The following KIF15 variants were observed in gnomAD, a reference collection of about 807,000 sequenced individuals.
KIF15 encodes kinesin family member 15.
A neutral mutation model predicts 190.6 loss-of-function variants in KIF15; 140 were observed. The observed-to-expected ratio is 0.73, with a 90% CI of 0.64 to 0.84. KIF15 has a LOEUF of 0.84. Among genes scored for constraint, KIF15 ranks in the 40% least tolerant of loss-of-function variants. The probability of loss-of-function intolerance (pLI) is 0.00; values close to 1 mark genes in which losing one functional copy is unlikely to be tolerated. For synonymous variants in KIF15, 528 were observed against 551.3 expected (o/e 0.96, Z 0.59); for missense variants, 1,372 against 1,584.4 (o/e 0.87, Z 2.28).
Position 44,827,509 on chromosome 3 carries a change from C to CG in KIF15, c.2839dup (p.Ala947GlyfsTer4). ...GTACGTCAGGAGAAACAGAAAGAGACGGCCAAGTGTGAGCAGCAGGTAAAA... is the reference window on the plus strand; with the variant it reads ...GTACGTCAGGAGAAACAGAAAGAGACGGGCCAAGTGTGAGCAGCAGGTAAAA... On this transcript the variant is annotated frameshift_variant, in exon 23 of 35. Coordinates refer to ENST00000326047, the MANE Select transcript of KIF15 (RefSeq NM_020242.3). LOFTEE classifies it high-confidence loss of function. 3 of 1,610,918 alleles carry CG rather than the reference C, an allele frequency of 1.9e-6. No individual in the cohort carries two copies. Among genetic ancestry groups the CG allele is most frequent in the Non-Finnish European group, 2.5e-6 (3 of 1,177,398 alleles).
At chr3:44,765,156 C>T (rs1705324778) in intron 1 of KIF15, among the ~76,000 whole-genome samples, 1 of 152,220 alleles carries the variant, frequency 6.6e-6, no homozygotes. Context: ...TTTTAAATTT[C>T]ACTTTCTCTC....
At chr3:44,821,748 G>A (rs1697339051) in intron 20 of KIF15, among the ~76,000 whole-genome samples, 1 of 152,190 alleles carries the variant, frequency 6.6e-6, no homozygotes, top group Non-Finnish European at 1.5e-5. Flanking sequence ...CTGCAGTCTC[G>A]GCACTTTGGG....
At chr3:44,852,017 T>A in intron 33 of KIF15, 65 bp downstream of exon 33, 1 of 1,531,520 alleles carries the variant, frequency 6.5e-7, no homozygotes, top group Admixed American at 1.9e-5. Context: ...CTAATTAGCG[T>A]AAAACTCACT....
intron 26 of KIF15, 117 bp downstream of exon 26, chr3:44,831,135 C>G (rs1190495145): frequency 8.4e-7 from 1 of 1,190,942 alleles, no homozygotes; most frequent in African/African-American, 1.5e-5. Flanking sequence ...AATTCTTATA[C>G]AGCTGATGTG....
chr3:44,786,497 A>C lies in KIF15; in HGVS notation c.562A>C (p.Arg188=). 6.2e-7 allele frequency: 1 copy of C among 1,613,876 alleles called. No individual in the cohort carries two copies. Among genetic ancestry groups the C allele is most frequent in the Non-Finnish European group, 8.5e-7 (1 of 1,179,826 alleles). ...LDSASAGLYL[R]EHIKKGVFVV... ...CTCTGCATCGGCTGGACTGTACTTA[A>C]GGGAGCATATCAAGAAGGGAGTCTT... Residue 188 remains arginine, a synonymous_variant, in exon 7 of 35, where the codon AGG becomes CGG. Transcript: ENST00000326047.
chr3:44,861,922 A>C, intron 6 of KIF15: 1 of 1,454,496 alleles, frequency 6.9e-7, no homozygotes. Flanking sequence ...GTCAGCAGGC[A>C]ACATGGCCGA....
chr3:44,797,289 A>T (rs1382119992), intron 8 of KIF15, among the ~76,000 whole-genome samples: 1 of 152,168 alleles, frequency 6.6e-6, no homozygotes, highest in Admixed American at 6.5e-5. Flanking sequence ...TCGGCCTCCC[A>T]AAGTGCTGGG....
intron 20 of KIF15, among the ~76,000 whole-genome samples, chr3:44,820,089 A>G (rs1708197591): frequency 1.3e-5 from 2 of 151,616 alleles, no homozygotes; most frequent in South Asian, 2.1e-4. Flanking sequence ...TTTGCTTTCC[A>G]TTTGCTTGGT....
chr3:44,861,560 G>C (rs1441164941), intron 6 of KIF15, among the ~76,000 whole-genome samples: 1 of 152,194 alleles, frequency 6.6e-6, no homozygotes, highest in Non-Finnish European at 1.5e-5. Context: ...TCGGTGGGCC[G>C]GCGCGGGGCC....
Position 44,774,379 on chromosome 3 carries a change from CTT to C in KIF15, c.20-6_20-5del, listed in dbSNP as rs112868991. 9 of 1,251,514 alleles carry C rather than the reference CTT, an allele frequency of 7.2e-6. No homozygotes were observed. The highest frequency in any genetic ancestry group is 2.0e-5 in the Admixed American group (1 of 48,852). The allele number at this position is 1,251,514 out of a possible 1,614,324, so 77.5% of individuals were successfully genotyped here. On this transcript the variant is annotated splice_polypyrimidine_tract_variant and intron_variant, in intron 1 of 34. Coordinates refer to ENST00000326047, the MANE Select transcript of KIF15 (RefSeq NM_020242.3). ...TTACAATTTAAATGACCTTTAATAA[CTT>C]TTTTTTTTTCTAGCTGAGTTACGCA...
intron 6 of KIF15, chr3:44,862,006 C>G (rs1040824057): frequency 1.4e-6 from 2 of 1,381,014 alleles, no homozygotes; most frequent in African/African-American, 1.5e-5. Context: ...CCCTCCGCAC[C>G]TCCAGGCGGG....
chr3:44,813,625 G>GT lies in KIF15; in HGVS notation c.2383+449dup, dbSNP rs1288995908. Among the ~76,000 whole-genome samples the GT allele has an allele frequency of 6.3e-3, 652 of 102,678 alleles. 4 individuals carry two copies. The highest frequency in any genetic ancestry group is 0.018 in the African/African-American group (555 of 30,658). The allele number at this position is 102,678 out of a possible 152,430, so 67.4% of individuals were successfully genotyped here. A position where few individuals can be genotyped will look rare whatever the true frequency, so the allele number is the denominator to read the frequency against. ...TGGTCATTTTTTTTTTGTTTTGTTT[G>GT]TTTTGTTTTTTTTTTTTTTGAGGTG... On this transcript the variant is annotated intron_variant, in intron 19 of 34. Coordinates refer to ENST00000326047, the MANE Select transcript of KIF15 (RefSeq NM_020242.3).
intron 29 of KIF15, among the ~76,000 whole-genome samples, chr3:44,841,757 A>C (rs1698619202): frequency 6.6e-6 from 1 of 152,198 alleles, no homozygotes; most frequent in Non-Finnish European, 1.5e-5. Flanking sequence ...AAATTCAAAA[A>C]GCACAGAACT....
chr3:44,781,629 A>G (rs938586193), intron 5 of KIF15, among the ~76,000 whole-genome samples: 2 of 152,190 alleles, frequency 1.3e-5, no homozygotes, highest in Non-Finnish European at 2.9e-5. Context: ...ATTCTGCCCA[A>G]CAGTTTCCCA....
intron 22 of KIF15, chr3:44,827,221 GTTATAT>G: frequency 2.2e-6 from 1 of 454,628 alleles, no homozygotes. Context: ...TATGATATAT[GTTATAT>G]TTAGGAGTAC....
rs1697731271 is a variant in KIF15, at chr3:44,827,487, C to G, written c.2815C>G (p.Arg939Gly). The G allele has an allele frequency of 2.5e-6, 4 of 1,611,828 alleles. No individual in the cohort carries two copies. The highest frequency in any genetic ancestry group is 1.7e-6 in the Non-Finnish European group (2 of 1,178,324). ...AATCTTAAAAGTTCTTGAGGCTGTACGTCAGGAGAAACAGAAAGAGACGGC... is the reference window on the plus strand; with the variant it reads ...AATCTTAAAAGTTCTTGAGGCTGTAGGTCAGGAGAAACAGAAAGAGACGGC... Reference protein sequence around the residue: ...KEILKVLEAVRQEKQKETAKC... With the variant: ...KEILKVLEAVGQEKQKETAKC... Residue 939 changes from arginine (R) to glycine (G), a missense_variant, in exon 23 of 35, where the codon CGT becomes GGT. Arg to Gly is a moderately radical substitution (Grantham distance 125, BLOSUM62 -2). Coordinates refer to ENST00000326047, the MANE Select transcript of KIF15 (RefSeq NM_020242.3).
intron 26 of KIF15, among the ~76,000 whole-genome samples, chr3:44,834,255 A>G (rs905119666): frequency 2.0e-5 from 3 of 152,162 alleles, no homozygotes; most frequent in Non-Finnish European, 4.4e-5. Flanking sequence ...AATTGTTCAT[A>G]TATCAGTGTT....
intron 8 of KIF15, among the ~76,000 whole-genome samples, chr3:44,795,034 G>A (rs545053970): frequency 6.6e-6 from 1 of 152,256 alleles, no homozygotes; most frequent in South Asian, 2.1e-4. Flanking sequence ...GGGTGGCAAA[G>A]AAATAAGAAA....
At chr3:44,827,138 CAG>C (rs1297849647) in intron 22 of KIF15, 2 of 424,772 alleles carry the variant, frequency 4.7e-6, no homozygotes, top group Non-Finnish European at 9.4e-6. Context: ...AGAGTTGAAA[CAG>C]TGAACAAAAC....
Sources: allele counts gnomAD v4.1 joint callset (sites outside exome capture counted in the v4.1 genomes callset), GRCh38; gene constraint gnomAD v4.1.1; transcripts MANE v1.5; gene names NCBI Gene and HGNC (gene_info 2026-07-23, HGNC 2026-07-21).